The following USP3 variants were observed in gnomAD, a reference collection of about 807,000 sequenced individuals.
The protein encoded by USP3 is ubiquitin carboxyl-terminal hydrolase 3.
In USP3, 20 loss-of-function variants were observed where a neutral mutation model predicts 72.3. The ratio of observed to expected loss-of-function variants is 0.28; its 90% CI spans 0.19 to 0.40. The LOEUF (loss-of-function observed/expected upper bound fraction) is 0.40, where lower values mean the gene tolerates loss of function less well. Among genes scored for constraint, USP3 ranks in the 10% least tolerant of loss-of-function variants. The pLI is 1.00. For synonymous variants in USP3, 222 were observed against 225.3 expected, an observed-to-expected ratio of 0.99 and a Z score of 0.13; for missense variants, 479 against 633.9, an observed-to-expected ratio of 0.76 and a Z score of 2.62.
Position 63,553,786 on chromosome 15 carries a change from A to G in USP3, c.356A>G (p.Gln119Arg), listed in dbSNP as rs760402555. The G allele has an allele frequency of 1.2e-6, 2 of 1,612,806 alleles. No homozygotes were observed. The highest frequency in any genetic ancestry group is 1.7e-6 in the Non-Finnish European group (2 of 1,179,290). ...GLVQKVREHLQNLENSAFTAD... is the reference protein window; with the variant it reads ...GLVQKVREHLRNLENSAFTAD... ...GTACAGAAAGTCAGAGAACACTTAC[A>G]GAACTTGGAAAAGTAAGTAATAGGC... is the stretch of plus-strand genomic sequence containing the variant. Residue 119 changes from glutamine (Q) to arginine (R), a missense_variant, in exon 4 of 15, where the codon CAG (glutamine) becomes CGG (arginine). Physicochemically the swap from Gln to Arg is conservative, Grantham distance 43. Transcript: ENST00000380324. This position sits in a 1 kb window ranked among gnomAD's most constrained non-coding sequence, Gnocchi z 4.2.
intron 9 of USP3, among the ~76,000 whole-genome samples, chr15:63,571,499 A>C (rs1333840641): frequency 6.6e-6 from 1 of 152,224 alleles, no homozygotes; most frequent in Non-Finnish European, 1.5e-5. Context: ...TCCAATTAGA[A>C]TCCAATATAG....
intron 1 of USP3, among the ~76,000 whole-genome samples, chr15:63,526,995 C>T (rs567883933): frequency 2.1e-3 from 316 of 152,268 alleles, no homozygotes; most frequent in African/African-American, 7.3e-3. Flanking sequence ...CCTGGGCTCA[C>T]GGGATTCTCC....
At chr15:63,518,991 T>C (rs1418877445) in intron 1 of USP3, among the ~76,000 whole-genome samples, 1 of 152,194 alleles carries the variant, frequency 6.6e-6, no homozygotes, top group African/African-American at 2.4e-5. Context: ...GGTCTGGATC[T>C]CTTGACCTCA....
chr15:63,555,865 GA>G (rs942287290), intron 4 of USP3, among the ~76,000 whole-genome samples: 3 of 152,102 alleles, frequency 2.0e-5, no homozygotes, highest in African/African-American at 7.2e-5. Flanking sequence ...AATTCTGTAA[GA>G]AAAAAATAAT....
At chr15:63,575,794 T>G (rs1277185305) in intron 11 of USP3, among the ~76,000 whole-genome samples, 2 of 152,184 alleles carry the variant, frequency 1.3e-5, no homozygotes, top group Non-Finnish European at 2.9e-5. Flanking sequence ...CTAGGGCATG[T>G]GAGTACATGC....
chr15:63,538,748 G>A (rs920154589), intron 3 of USP3, among the ~76,000 whole-genome samples: 10 of 151,868 alleles, frequency 6.6e-5, no homozygotes, highest in Non-Finnish European at 1.0e-4. Flanking sequence ...GGGTTTCACC[G>A]TGTTAGCCAG....
intron 1 of USP3, among the ~76,000 whole-genome samples, chr15:63,507,873 A>G (rs1425471758): frequency 6.9e-6 from 1 of 144,198 alleles, no homozygotes; most frequent in East Asian, 1.9e-4. Context: ...ATATGTATTT[A>G]TTAATATGCT....
intron 8 of USP3, among the ~76,000 whole-genome samples, chr15:63,564,681 C>T (rs1009804955): frequency 1.3e-5 from 2 of 152,126 alleles, no homozygotes; most frequent in African/African-American, 2.4e-5. Context: ...ACCAGGCTGA[C>T]GAATGTAGCA....
intron 3 of USP3, among the ~76,000 whole-genome samples, chr15:63,552,828 A>G (rs536871927): frequency 1.3e-5 from 2 of 152,234 alleles, no homozygotes; most frequent in East Asian, 1.9e-4. Context: ...TGTGCTTTCA[A>G]AGTTTTGTTT....
rs1488278161 is a variant in USP3, at chr15:63,570,435, G to C, written c.764G>C (p.Gly255Ala). The change falls in exon 9 of 15, where the codon GGC becomes GCC. Residue 255 changes from glycine to alanine, a missense_variant and splice_region_variant. Gly to Ala is a moderately conservative substitution (Grantham distance 60). Transcript: ENST00000380324. The surrounding 1 kb of genome is among the most constrained non-coding windows in gnomAD (Gnocchi z 4.4). ...AAGTGACTGTTTGTTTGCTTTAGGG[G>C]CTATCAACAGCAGGACGCCCATGAA... ...VVWKIMPNFR[G>A]YQQQDAHEFM... The C allele has an allele frequency of 6.2e-7, 1 of 1,614,066 alleles. No individual in the cohort carries two copies. Among genetic ancestry groups the C allele is most frequent in the Non-Finnish European group, 8.5e-7 (1 of 1,180,024 alleles).
chr15:63,518,026 G>C (rs760548113), intron 1 of USP3, among the ~76,000 whole-genome samples: 5 of 152,090 alleles, frequency 3.3e-5, no homozygotes, highest in Non-Finnish European at 7.4e-5. Flanking sequence ...GAGCTAAGTA[G>C]AATTTGCCAC....
Position 63,553,713 on chromosome 15 carries a change from A to G in USP3, c.285-2A>G. The G allele has an allele frequency of 6.2e-7, 1 of 1,611,908 alleles. No individual in the cohort carries two copies. ...ACACATTGATTAATATTTTCCTTGC[A>G]GTTATCGCTGTGATGATTTTGTGGT... On this transcript the variant is annotated splice_acceptor_variant, in intron 3 of 14. Transcript: ENST00000380324. LOFTEE classifies it high-confidence loss of function. The surrounding 1 kb of genome is among the most constrained non-coding windows in gnomAD (Gnocchi z 4.2).
chr15:63,588,806 CT>C lies in USP3; in HGVS notation c.1322del (p.Leu441TyrfsTer2). On this transcript the variant is annotated frameshift_variant, in exon 13 of 15. Coordinates refer to ENST00000380324, the MANE Select transcript of USP3 (RefSeq NM_006537.4). LOFTEE classifies it high-confidence loss of function. This position sits in a 1 kb window ranked among gnomAD's most constrained non-coding sequence, Gnocchi z 4.6. The stretch of plus-strand genomic sequence containing the variant: ...TGAGAGGCCTAGACATGAAATGCTA[CT>C]TACTAGAGGTAAGGTGGTTACCTTT... ...PLRGLDMKCY[L>X]LEPENSGPES... The C allele has an allele frequency of 6.2e-7, 1 of 1,613,692 alleles. No individual in the cohort carries two copies. Among genetic ancestry groups the C allele is most frequent in the Non-Finnish European group, 8.5e-7 (1 of 1,179,660 alleles).
In USP3 at chr15:63,574,390, T is replaced by C; in HGVS notation, c.1083T>C (p.Val361=). ...CTAAGAATCAAGAAAATGGACCAGTTTGTTCGTTACGAGGTAAAGATACTT... is the reference window on the plus strand; with the variant it reads ...CTAAGAATCAAGAAAATGGACCAGTCTGTTCGTTACGAGGTAAAGATACTT... ...KRSKNQENGP[V]CSLRDCLRSF... The change falls in exon 11 of 15, where the codon GTT becomes GTC. Residue 361 remains valine, a synonymous_variant. Transcript: ENST00000380324. The surrounding 1 kb of genome is among the most constrained non-coding windows in gnomAD (Gnocchi z 4.6). 1 of 1,604,436 alleles carries C rather than the reference T, an allele frequency of 6.2e-7. No individual in the cohort carries two copies. Among genetic ancestry groups the C allele is most frequent in the East Asian group, 2.3e-5 (1 of 44,342 alleles).
intron 7 of USP3, among the ~76,000 whole-genome samples, chr15:63,560,307 T>G (rs1349063307): frequency 6.6e-6 from 1 of 151,340 alleles, no homozygotes; most frequent in East Asian, 1.9e-4. Context: ...TCCCAGCTAC[T>G]CGGGAGGCTG....
chr15:63,578,635 A>G (rs537791776), intron 11 of USP3, among the ~76,000 whole-genome samples: 95 of 150,452 alleles, frequency 6.3e-4, no homozygotes, highest in Admixed American at 3.6e-3. Flanking sequence ...AAAAGAAGAA[A>G]AAAAAAAGAA....
chr15:63,536,961 C>A, intron 2 of USP3, 64 bp from the exon 3 acceptor site: 1 of 1,486,484 alleles, frequency 6.7e-7, no homozygotes, highest in South Asian at 1.3e-5. Flanking sequence ...TTAATTTCAT[C>A]ATTTCCTACT....
Position 63,558,234 on chromosome 15 carries a change from A to C in USP3, c.533+46A>C, listed in dbSNP as rs767917280. On this transcript the variant is annotated intron_variant, in intron 6 of 14. Transcript: ENST00000380324. ...TAAGTGTCTGACATTAAAGGTTAAG[A>C]GCACGGGCTCTGGCTCCCTATCTCG... 1.9e-6 allele frequency: 3 copies of C among 1,604,426 alleles called. No homozygotes were observed. In the Admixed American group the frequency reaches 5.0e-5, roughly 27 times the overall value.
At chr15:63,575,787 G>C (rs2066853666) in intron 11 of USP3, among the ~76,000 whole-genome samples, 1 of 151,954 alleles carries the variant, frequency 6.6e-6, no homozygotes, top group African/African-American at 2.4e-5. Flanking sequence ...TTTATATCTA[G>C]GGCATGTGAG....
Sources: gnomAD v4.1 joint callset for allele counts (sites outside exome capture counted in the v4.1 genomes callset) on GRCh38, gnomAD v4.1.1 for gene constraint, Gnocchi (gnomAD v3.1) non-coding constraint, MANE v1.5 for transcripts, NCBI Gene and HGNC (gene_info 2026-07-23, HGNC 2026-07-21) for gene names.